The following DLGAP1 variants were observed in gnomAD, a reference collection of about 807,000 sequenced individuals.
DLGAP1 encodes DLG associated protein 1.
A neutral mutation model predicts 90.8 loss-of-function variants in DLGAP1; 11 were observed. The observed-to-expected ratio is 0.12, with a 90% CI of 0.08 to 0.20. DLGAP1 has a LOEUF of 0.20. Among genes scored for constraint, DLGAP1 ranks in the 10% least tolerant of loss-of-function variants. The probability of loss-of-function intolerance (pLI) is 1.00; values close to 1 mark genes in which losing one functional copy is unlikely to be tolerated. For synonymous variants in DLGAP1, 558 were observed against 540.7 expected, an observed-to-expected ratio of 1.03 and a Z score of -0.44; for missense variants, 1,050 against 1,333.8, an observed-to-expected ratio of 0.79 and a Z score of 3.31.
chr18:3,970,643 A>C (rs2073427032), intron 3 of DLGAP1, among the ~76,000 whole-genome samples: 1 of 151,262 alleles, frequency 6.6e-6, no homozygotes, highest in Non-Finnish European at 1.5e-5. Context: ...CCCATATTAG[A>C]CTGCAAAATA....
chr18:4,341,555 A>G (rs536625004), intron 1 of DLGAP1, among the ~76,000 whole-genome samples: 1 of 152,288 alleles, frequency 6.6e-6, no homozygotes, highest in Non-Finnish European at 1.5e-5. Flanking sequence ...ATTTCTTCCC[A>G]GGACCTACCC....
chr18:4,328,396 T>G (rs2143693945), intron 1 of DLGAP1, among the ~76,000 whole-genome samples: 1 of 152,170 alleles, frequency 6.6e-6, no homozygotes, highest in East Asian at 1.9e-4. Flanking sequence ...CTTTTCATAA[T>G]GGATAGTGTT....
chr18:3,804,835 G>A (rs140310276), intron 5 of DLGAP1, among the ~76,000 whole-genome samples: 77 of 152,288 alleles, frequency 5.1e-4, no homozygotes, highest in African/African-American at 1.8e-3. Context: ...AGATAGCATT[G>A]AATCTCTTCC....
rs568767898 is a variant in DLGAP1, at chr18:4,143,815, G to C, written c.-159+7365C>G. Among the ~76,000 whole-genome samples the C allele has an allele frequency of 3.3e-3, 495 of 152,250 alleles. 1 individual carries two copies. The highest frequency in any genetic ancestry group is 5.8e-3 in the Non-Finnish European group (397 of 68,026). On this transcript the variant is annotated intron_variant, in intron 2 of 12. Transcript: ENST00000315677. ...ACGGTTGAATATTCAGGGCTCAAAG[G>C]CTCTTTACTCATCAAGTGATGAATC...
At chr18:3,861,919 G>A (rs538465682) in intron 4 of DLGAP1, among the ~76,000 whole-genome samples, 53 of 152,338 alleles carry the variant, frequency 3.5e-4, no homozygotes, top group African/African-American at 1.2e-3. Context: ...CAAAGATGGC[G>A]AAAGAGTGCC....
At chr18:3,787,478 C>A (rs1440500980) in intron 5 of DLGAP1, among the ~76,000 whole-genome samples, 2 of 36,296 alleles carry the variant, frequency 5.5e-5, no homozygotes, top group African/African-American at 1.0e-4. Context: ...GAAACTCCAT[C>A]TCAAAAAAAA....
At chr18:4,126,239 A>G (rs990827450) in intron 2 of DLGAP1, among the ~76,000 whole-genome samples, 1 of 152,208 alleles carries the variant, frequency 6.6e-6, no homozygotes, top group Non-Finnish European at 1.5e-5. Context: ...AGACCTCTCT[A>G]TATTATTAAA....
chr18:4,352,691 C>T (rs1021366442), intron 1 of DLGAP1, among the ~76,000 whole-genome samples: 2 of 152,084 alleles, frequency 1.3e-5, no homozygotes, highest in African/African-American at 4.8e-5. Context: ...GCTAACATTT[C>T]CCCACCCAGG....
chr18:3,670,444 A>C (rs188817139), intron 7 of DLGAP1, among the ~76,000 whole-genome samples: 59 of 152,340 alleles, frequency 3.9e-4, no homozygotes, highest in Middle Eastern at 6.8e-3. Flanking sequence ...CTGGCAACTG[A>C]TAACTTCCTG....
At chr18:3,709,485 A>G (rs2061536685) in intron 7 of DLGAP1, among the ~76,000 whole-genome samples, 1 of 152,224 alleles carries the variant, frequency 6.6e-6, no homozygotes, top group Non-Finnish European at 1.5e-5. Context: ...GTACCAGTAG[A>G]GTTGAAAGTA....
Position 3,729,693 on chromosome 18 carries a change from G to T in DLGAP1, c.1351-318C>A, listed in dbSNP as rs2062347909. On this transcript the variant is annotated intron_variant, in intron 6 of 12. Transcript: ENST00000315677. This position sits in a 1 kb window ranked among gnomAD's most constrained non-coding sequence, Gnocchi z 6.2. ...CAAAGTGCTGGGATTACAGGCATGA[G>T]CTACCACCACCAGCCGTGATTACAT... 6.6e-6 allele frequency among the ~76,000 whole-genome samples: 1 copy of T among 152,124 alleles called. No individual in the cohort carries two copies. The highest frequency in any genetic ancestry group is 2.4e-5 in the African/African-American group (1 of 41,430).
chr18:3,845,104 T>C (rs750444912), intron 4 of DLGAP1: 26 of 1,210,586 alleles, frequency 2.1e-5, no homozygotes, highest in Non-Finnish European at 2.9e-5. Flanking sequence ...CATCCCCAGT[T>C]CACAGACATC....
intron 1 of DLGAP1, among the ~76,000 whole-genome samples, chr18:4,162,090 A>T (rs1324529566): frequency 1.3e-5 from 2 of 152,166 alleles, no homozygotes; most frequent in Admixed American, 6.5e-5. Context: ...TAGATGCTGG[A>T]GATAGAGTAG....
intron 2 of DLGAP1, among the ~76,000 whole-genome samples, chr18:4,072,564 G>T (rs966660159): frequency 6.6e-6 from 1 of 151,834 alleles, no homozygotes; most frequent in Non-Finnish European, 1.5e-5. Context: ...CCACCTCCGG[G>T]TTTCAAGTGA....
At chr18:4,311,775 G>A (rs1352841298) in intron 1 of DLGAP1, among the ~76,000 whole-genome samples, 1 of 152,124 alleles carries the variant, frequency 6.6e-6, no homozygotes, top group Non-Finnish European at 1.5e-5. Flanking sequence ...GAGTGCAGTG[G>A]CGCAATCTCG....
chr18:3,722,061 T>C (rs1035271730), intron 7 of DLGAP1: 2 of 152,220 alleles, frequency 1.3e-5, no homozygotes, highest in Non-Finnish European at 1.5e-5. Context: ...GTAATTTGCA[T>C]AATGCTTCCT....
intron 4 of DLGAP1, among the ~76,000 whole-genome samples, chr18:3,876,895 T>C (rs1205498438): frequency 1.3e-5 from 2 of 152,190 alleles, no homozygotes; most frequent in Non-Finnish European, 2.9e-5. Context: ...TGAAAAACTT[T>C]AATAATAATA....
At chr18:3,759,676 C>A (rs2063870113) in intron 5 of DLGAP1, among the ~76,000 whole-genome samples, 3 of 152,166 alleles carry the variant, frequency 2.0e-5, no homozygotes, top group Admixed American at 6.5e-5. Context: ...TTCACATCTC[C>A]AGGTTAAGAT....
intron 3 of DLGAP1, among the ~76,000 whole-genome samples, chr18:3,888,275 CCTTA>C (rs2071373905): frequency 6.6e-6 from 1 of 152,062 alleles, no homozygotes; most frequent in South Asian, 2.1e-4. Context: ...TTCCAGGCTT[CCTTA>C]CTTGAAGATT....
Sources: allele counts gnomAD v4.1 joint callset (sites outside exome capture counted in the v4.1 genomes callset), GRCh38; gene constraint gnomAD v4.1.1; non-coding constraint Gnocchi (gnomAD v3.1); transcripts MANE v1.5; gene names NCBI Gene and HGNC (gene_info 2026-07-23, HGNC 2026-07-21).